DPYD: variants seen among roughly 807,000 people sequenced by gnomAD.
The protein encoded by DPYD is dihydropyrimidine dehydrogenase, also known as dihydropyrimidine dehydrogenase [NADP(+)].
A neutral mutation model predicts 116.2 loss-of-function variants in DPYD; 109 were observed. The ratio of observed to expected loss-of-function variants is 0.94; its 90% CI spans 0.80 to 1.10. The LOEUF (loss-of-function observed/expected upper bound fraction) is 1.10. Ranked by LOEUF, DPYD falls within the 50% of genes least tolerant of loss-of-function variation. DPYD has a pLI of 0.00. For synonymous variants in DPYD, 440 were observed against 432.0 expected (o/e 1.02, Z -0.23); for missense variants, 1,302 against 1,254.5 (o/e 1.04, Z -0.57).
At chr1:97,535,045 A>T (rs1010745487) in intron 12 of DPYD, among the ~76,000 whole-genome samples, 1 of 152,248 alleles carries the variant, frequency 6.6e-6, no homozygotes, top group South Asian at 2.1e-4. Flanking sequence ...TCTCAGAGAC[A>T]TAAGTGAGAA....
At chr1:97,134,925 A>G (rs898272951) in intron 20 of DPYD, among the ~76,000 whole-genome samples, 1 of 152,152 alleles carries the variant, frequency 6.6e-6, no homozygotes, top group Non-Finnish European at 1.5e-5. Context: ...TGATAAAATA[A>G]TTTACGCAAA....
intron 16 of DPYD, among the ~76,000 whole-genome samples, chr1:97,319,132 A>G (rs962951643): frequency 7.5e-6 from 1 of 132,666 alleles, no homozygotes; most frequent in Non-Finnish European, 1.6e-5. Context: ...GAAAGCAGGA[A>G]AGATCCAAAA....
In DPYD at chr1:97,771,536, C is replaced by A. The variant is rs551633375; in HGVS notation, c.234-31057G>T. On this transcript the variant is annotated intron_variant, in intron 3 of 22. Transcript: ENST00000370192. ...ATATTTTTACTGTAAAGCAGTATAT[C>A]TTATTTAAAAGCACACATTCTAAAG... Among the ~76,000 whole-genome samples, 13 of 152,194 alleles carry A rather than the reference C, an allele frequency of 8.5e-5. No homozygotes were observed. In the South Asian group the frequency reaches 2.5e-3, roughly 29 times the overall value.
At chr1:97,671,427 G>T (rs979264438) in intron 8 of DPYD, among the ~76,000 whole-genome samples, 1 of 151,956 alleles carries the variant, frequency 6.6e-6, no homozygotes, top group African/African-American at 2.4e-5. Flanking sequence ...TAATTATAAG[G>T]CATCAAAGTA....
At chr1:97,728,984 A>G (rs1445355584) in intron 4 of DPYD, among the ~76,000 whole-genome samples, 1 of 152,088 alleles carries the variant, frequency 6.6e-6, no homozygotes, top group Non-Finnish European at 1.5e-5. Context: ...AATAGGTTTG[A>G]CTAGCTTTAT....
chr1:97,851,986 GA>G (rs1255767517), intron 2 of DPYD, among the ~76,000 whole-genome samples: 311 of 29,298 alleles, frequency 0.011, 3 homozygotes, highest in African/African-American at 0.024. Flanking sequence ...TTAAAGTATA[GA>G]AAAAAAAAAA....
chr1:97,518,964 T>C (rs918705964), intron 12 of DPYD, among the ~76,000 whole-genome samples: 6 of 152,168 alleles, frequency 3.9e-5, no homozygotes, highest in African/African-American at 1.4e-4. Context: ...TGTTTATCCA[T>C]CAATCACAAA....
intron 12 of DPYD, among the ~76,000 whole-genome samples, chr1:97,539,379 T>C (rs1650260417): frequency 6.6e-6 from 1 of 152,182 alleles, no homozygotes; most frequent in Admixed American, 6.5e-5. Context: ...TTTCATTTCT[T>C]GCCTATATTT....
chr1:97,631,013 A>G (rs1657225019), intron 8 of DPYD, among the ~76,000 whole-genome samples: 3 of 152,080 alleles, frequency 2.0e-5, no homozygotes, highest in Admixed American at 1.3e-4. Flanking sequence ...TAAATAATTG[A>G]AGAAATGGAG....
intron 2 of DPYD, among the ~76,000 whole-genome samples, chr1:97,867,520 A>C (rs1671445209): frequency 6.6e-6 from 1 of 151,876 alleles, no homozygotes; most frequent in South Asian, 2.1e-4. Context: ...AGGACCATTC[A>C]CCATAATCAA....
intron 10 of DPYD, among the ~76,000 whole-genome samples, chr1:97,582,030 G>T (rs1570999478): frequency 1.3e-5 from 2 of 152,184 alleles, no homozygotes; most frequent in Admixed American, 1.3e-4. Flanking sequence ...CTTACCAATG[G>T]AATGCTTTTG....
At chr1:97,223,121 G>A (rs1020118521) in intron 19 of DPYD, among the ~76,000 whole-genome samples, 1 of 151,942 alleles carries the variant, frequency 6.6e-6, no homozygotes, top group Non-Finnish European at 1.5e-5. Context: ...CAGTGTCATC[G>A]TGCTGCTTCA....
chr1:97,085,892 T>A (rs998812774), intron 21 of DPYD, among the ~76,000 whole-genome samples: 1 of 152,224 alleles, frequency 6.6e-6, no homozygotes, highest in Non-Finnish European at 1.5e-5. Context: ...TAGATATGTA[T>A]GTGGAGAAAG....
At chr1:97,913,999 G>A (rs1674094842) in intron 1 of DPYD, among the ~76,000 whole-genome samples, 2 of 152,038 alleles carry the variant, frequency 1.3e-5, no homozygotes, top group African/African-American at 4.8e-5. Flanking sequence ...AAGTGGCTCA[G>A]TCAAGAGTGC....
intron 16 of DPYD, among the ~76,000 whole-genome samples, chr1:97,315,822 T>C (rs1667796270): frequency 6.6e-6 from 1 of 151,850 alleles, no homozygotes; most frequent in South Asian, 2.1e-4. Context: ...CAATAGCCAA[T>C]ATATGCTCAG....
chr1:97,710,625 C>T lies in DPYD; in HGVS notation c.483+10885G>A, dbSNP rs191810515. On this transcript the variant is annotated intron_variant, in intron 5 of 22. Transcript: ENST00000370192. The stretch of plus-strand genomic sequence containing the variant: ...AGAAACAACTGGCAGGTTAAAAATA[C>T]TGTGTTAGCTGAAATCAGAATATTC... Among the ~76,000 whole-genome samples, 154 of 151,664 alleles carry T rather than the reference C, an allele frequency of 1.0e-3. 1 individual carries two copies. The highest frequency in any genetic ancestry group is 3.2e-3 in the African/African-American group (132 of 41,472).
chr1:97,108,139 C>A (rs947210965), intron 20 of DPYD, among the ~76,000 whole-genome samples: 11 of 152,124 alleles, frequency 7.2e-5, no homozygotes, highest in Admixed American at 6.6e-5. Context: ...TATACTTCAT[C>A]TTCAAGAAGC....
At chr1:97,122,276 G>A (rs1228644395) in intron 20 of DPYD, among the ~76,000 whole-genome samples, 1 of 152,170 alleles carries the variant, frequency 6.6e-6, no homozygotes, top group East Asian at 1.9e-4. Flanking sequence ...ACCAGGAATA[G>A]CTCTTAAAGA....
intron 21 of DPYD, among the ~76,000 whole-genome samples, chr1:97,091,518 C>T (rs1340777398): frequency 6.6e-6 from 1 of 152,096 alleles, no homozygotes; most frequent in Non-Finnish European, 1.5e-5. Context: ...ATGTCTGATT[C>T]ATGTGCAGAC....
Sources: gnomAD v4.1 joint callset for allele counts (sites outside exome capture counted in the v4.1 genomes callset) on GRCh38, gnomAD v4.1.1 for gene constraint, MANE v1.5 for transcripts, NCBI Gene and HGNC (gene_info 2026-07-23, HGNC 2026-07-21) for gene names.